The following SPOCK1 variants were observed in gnomAD, a reference collection of about 807,000 sequenced individuals.
SPOCK1 encodes testican-1.
Under a neutral mutation model 55.3 loss-of-function variants are expected in SPOCK1, and 23 were observed. That is an observed-to-expected ratio of 0.42 (90% CI 0.30 to 0.59). The LOEUF (loss-of-function observed/expected upper bound fraction) is 0.59. SPOCK1 is among the 20% of genes least tolerant of loss of function. SPOCK1 has a pLI of 0.22. For synonymous variants in SPOCK1, 226 were observed against 221.0 expected, an observed-to-expected ratio of 1.02 and a Z score of -0.20; for missense variants, 499 against 552.5, an observed-to-expected ratio of 0.90 and a Z score of 0.97.
intron 9 of SPOCK1, among the ~76,000 whole-genome samples, chr5:136,980,137 A>G (rs1267001796): frequency 6.6e-6 from 1 of 151,912 alleles, no homozygotes; most frequent in Non-Finnish European, 1.5e-5. Context: ...AGCCATGCCA[A>G]TATCACCATA....
intron 6 of SPOCK1, among the ~76,000 whole-genome samples, chr5:136,999,655 G>A (rs1307289978): frequency 1.3e-5 from 2 of 152,126 alleles, no homozygotes; most frequent in Non-Finnish European, 1.5e-5. Context: ...ACAATCAGTG[G>A]GATAAAAAAC....
chr5:137,339,719 G>C (rs1315937485), intron 2 of SPOCK1, among the ~76,000 whole-genome samples: 1 of 152,110 alleles, frequency 6.6e-6, no homozygotes, highest in African/African-American at 2.4e-5. Flanking sequence ...TGGCTGATGA[G>C]AGGTTTTGGG....
chr5:137,477,667 C>T (rs71589367), intron 2 of SPOCK1, among the ~76,000 whole-genome samples: 3,406 of 152,276 alleles, frequency 0.022, 45 homozygotes, highest in Middle Eastern at 0.031. Context: ...TGGACTGTGA[C>T]GCTTCCCCAC....
chr5:137,177,000 T>A (rs1754866446), intron 3 of SPOCK1, among the ~76,000 whole-genome samples: 2 of 152,150 alleles, frequency 1.3e-5, no homozygotes, highest in South Asian at 4.1e-4. Flanking sequence ...TCAGATCATG[T>A]CCTCCTCTGC....
chr5:137,028,479 T>C (rs1452292513), intron 6 of SPOCK1, among the ~76,000 whole-genome samples: 1 of 152,202 alleles, frequency 6.6e-6, no homozygotes, highest in Non-Finnish European at 1.5e-5. Context: ...CAGGAGTTCC[T>C]TGAGCTTGCT....
At chr5:137,086,684 C>T (rs752454960) in intron 5 of SPOCK1, among the ~76,000 whole-genome samples, 5 of 152,188 alleles carry the variant, frequency 3.3e-5, no homozygotes, top group African/African-American at 9.7e-5. Context: ...GCCCCTGTCA[C>T]GTGCCTGATG....
chr5:137,383,612 C>T (rs1045492765), intron 2 of SPOCK1, among the ~76,000 whole-genome samples: 2 of 152,170 alleles, frequency 1.3e-5, no homozygotes, highest in African/African-American at 4.8e-5. Flanking sequence ...TAAACCAAGG[C>T]AGTCTAAGAA....
At chr5:137,327,643 C>T (rs1484896008) in intron 2 of SPOCK1, among the ~76,000 whole-genome samples, 2 of 152,212 alleles carry the variant, frequency 1.3e-5, no homozygotes, top group Non-Finnish European at 2.9e-5. Context: ...GAAACATAGA[C>T]TTAATTTTTA....
At chr5:137,123,889 C>G (rs1053021040) in intron 4 of SPOCK1, among the ~76,000 whole-genome samples, 1 of 152,062 alleles carries the variant, frequency 6.6e-6, no homozygotes, top group Non-Finnish European at 1.5e-5. Context: ...AAAATGGAAT[C>G]AAAGAATCAA....
At chr5:137,246,951 C>A (rs185864493) in intron 3 of SPOCK1, among the ~76,000 whole-genome samples, 185 of 152,320 alleles carry the variant, frequency 1.2e-3, no homozygotes, top group South Asian at 7.5e-3. Context: ...TGAATCTAAT[C>A]TCCGCGGGTG....
intron 3 of SPOCK1, among the ~76,000 whole-genome samples, chr5:137,205,262 T>C (rs1755497354): frequency 6.6e-6 from 1 of 152,142 alleles, no homozygotes; most frequent in Non-Finnish European, 1.5e-5. Context: ...GATGTTTCTC[T>C]ACATGGTTTC....
chr5:137,447,055 C>G (rs1753144378), intron 2 of SPOCK1, among the ~76,000 whole-genome samples: 1 of 152,208 alleles, frequency 6.6e-6, no homozygotes, highest in South Asian at 2.1e-4. Flanking sequence ...ATTAATCCAT[C>G]AGTGCACTCT....
chr5:137,362,975 C>T (rs1220444242), intron 2 of SPOCK1, among the ~76,000 whole-genome samples: 1 of 152,178 alleles, frequency 6.6e-6, no homozygotes, highest in African/African-American at 2.4e-5. Flanking sequence ...TCAACTCAAC[C>T]CTAGGTTAGT....
intron 5 of SPOCK1, among the ~76,000 whole-genome samples, chr5:137,076,196 C>T (rs559393122): frequency 8.5e-5 from 13 of 152,208 alleles, no homozygotes; most frequent in East Asian, 1.9e-4. Context: ...CTCTTCCGAA[C>T]GGGGCTCCAG....
At chr5:137,493,241 A>G (rs1754224678) in intron 2 of SPOCK1, among the ~76,000 whole-genome samples, 1 of 152,244 alleles carries the variant, frequency 6.6e-6, no homozygotes, top group Non-Finnish European at 1.5e-5. Context: ...TGAGTAAATC[A>G]ATAAGAAATG....
chr5:137,385,069 T>C (rs1187717623), intron 2 of SPOCK1, among the ~76,000 whole-genome samples: 6 of 152,150 alleles, frequency 3.9e-5, no homozygotes, highest in African/African-American at 7.2e-5. Context: ...ATCAGGCACA[T>C]TGTAAATAAT....
chr5:137,325,446 A>G (rs544261163), intron 2 of SPOCK1, among the ~76,000 whole-genome samples: 51 of 152,292 alleles, frequency 3.3e-4, no homozygotes, highest in African/African-American at 1.2e-3. Flanking sequence ...CTTGTATACA[A>G]ACACTTCTCT....
intron 2 of SPOCK1, among the ~76,000 whole-genome samples, chr5:137,347,241 C>T (rs1485617086): frequency 6.6e-6 from 1 of 152,230 alleles, no homozygotes; most frequent in Non-Finnish European, 1.5e-5. Context: ...GTTCAAACTT[C>T]TTGTTTTGGG....
At chr5:137,492,072 C>T (rs1480668022) in intron 2 of SPOCK1, among the ~76,000 whole-genome samples, 1 of 152,172 alleles carries the variant, frequency 6.6e-6, no homozygotes, top group African/African-American at 2.4e-5. Context: ...GACATCTGCC[C>T]ATCAGGCATC....
Sources: gnomAD v4.1 joint callset for allele counts (sites outside exome capture counted in the v4.1 genomes callset) on GRCh38, gnomAD v4.1.1 for gene constraint, MANE v1.5 for transcripts, NCBI Gene and HGNC (gene_info 2026-07-23, HGNC 2026-07-21) for gene names.